The following RTBDN variants were observed in gnomAD, a reference collection of about 807,000 sequenced individuals.
The protein encoded by RTBDN is retbindin.
A neutral mutation model predicts 21.9 loss-of-function variants in RTBDN; 24 were observed. The observed-to-expected ratio is 1.10, with a 90% confidence interval of 0.79 to 1.54. The LOEUF is 1.54. Among genes scored for constraint, RTBDN ranks in the 40% most tolerant of loss-of-function variants. The pLI, the probability that RTBDN is intolerant of heterozygous loss-of-function variation, is 0.00. For missense variants in RTBDN, 325 were observed against 315.2 expected (o/e 1.03, Z -0.23); for synonymous variants, 141 against 125.9 (o/e 1.12, Z -0.80).
At chr19:12,834,815 G>A (rs759121175), upstream of RTBDN, 5 of 1,614,236 alleles carry the variant, frequency 3.1e-6, no homozygotes, top group South Asian at 5.5e-5. The surrounding 1 kb of genome is among the most constrained non-coding windows in gnomAD (Gnocchi z 4.7). Context: ...CTGTAGCCGA[G>A]AAGCGTCCTC....
At chr19:12,835,137 G>A (rs1338618522), upstream of RTBDN, 6 of 1,606,958 alleles carry the variant, frequency 3.7e-6, no homozygotes, top group Non-Finnish European at 5.1e-6. Flanking sequence ...GAGGTTGAAG[G>A]CCAAGGGGAG....
At position 12,826,784 on chromosome 19, in the gene RTBDN, G is replaced by A. The variant is rs1373397435; in HGVS notation, c.453C>T (p.Thr151=). Residue 151 remains threonine, a synonymous_variant, in exon 5 of 6, where the codon ACC becomes ACT. Coordinates refer to ENST00000674343, the MANE Select transcript of RTBDN (RefSeq NM_001270441.2). ...EKRGCEPSCL[T]YGQTFADGTD... is the part of the protein sequence containing the mutation. Reference sequence around the variant, plus strand: ...TCTGCCCCACGCTCACCTGTCCATAGGTAAGGCAGCTGGGCTCACAGCCCC... The same window carrying A: ...TCTGCCCCACGCTCACCTGTCCATAAGTAAGGCAGCTGGGCTCACAGCCCC... The A allele has an allele frequency of 1.3e-6, 2 of 1,552,050 alleles. No homozygotes were observed.
Position 12,825,829 on chromosome 19 carries a change from T to C in RTBDN, c.567A>G (p.Val189=), listed in dbSNP as rs1326186060. ...RHCFNISISA[V]PRPRPGRRGR... ...CCCGTCGTCCTGGTCTGGGACGAGG[T>C]ACCGCGGAGATGGAGATGTTGAAGC... Residue 189 remains valine (V), a synonymous_variant, in exon 6 of 6, where the codon GTA becomes GTG. Transcript: ENST00000674343. The C allele has an allele frequency of 6.8e-6, 11 of 1,613,066 alleles. No individual in the cohort carries two copies. The Admixed American group carries it at 1.8e-4, about 27-fold the overall frequency.
chr19:12,833,782 C>T (rs989905506), intron 1 of RTBDN, among the ~76,000 whole-genome samples: 7 of 146,352 alleles, frequency 4.8e-5, no homozygotes, highest in Admixed American at 1.4e-4. Context: ...CTCGGGCGCC[C>T]AGACGCAGTG....
At chr19:12,835,418 G>A (rs1467303109), upstream of RTBDN, 6 of 338,892 alleles carry the variant, frequency 1.8e-5, no homozygotes, top group Non-Finnish European at 3.3e-5. Flanking sequence ...GGTCCGCGCC[G>A]TCGGGTTTCT....
intron 4 of RTBDN, among the ~76,000 whole-genome samples, chr19:12,827,370 T>C (rs1221514686): frequency 6.7e-6 from 1 of 148,770 alleles, no homozygotes; most frequent in Non-Finnish European, 1.5e-5. Flanking sequence ...TTACCCAGGC[T>C]GGAGTGCAGT....
Position 12,825,608 on chromosome 19 carries a change from A to G in RTBDN, c.*98T>C, listed in dbSNP as rs1460803311. The G allele has an allele frequency of 1.4e-6, 2 of 1,448,532 alleles. No individual in the cohort carries two copies. Among genetic ancestry groups the G allele is most frequent in the African/African-American group, 1.5e-5 (1 of 67,170 alleles). 89.7% of individuals were successfully genotyped at this position (1,448,532 alleles called of 1,614,324 possible). On this transcript the variant is annotated 3_prime_UTR_variant, in exon 6 of 6. Coordinates refer to ENST00000674343, the MANE Select transcript of RTBDN (RefSeq NM_001270441.2). ...GAGGAGGGACAGACATCTCAAAACT[A>G]TTACAGAAGGCCGAGAGGACGAGGG...
At position 12,828,917 on chromosome 19, in the gene RTBDN, G is replaced by A. The variant is rs1969439550; in HGVS notation, c.206C>T (p.Thr69Ile). The A allele has an allele frequency of 2.5e-6, 4 of 1,614,168 alleles. No homozygotes were observed. The East Asian group carries it at 8.9e-5, about 36-fold the overall frequency. ...TTCTGGATGGTTTCCAGGGCCCGAT[G>A]TCTCTGTTGTGTCCATCTCTGAGGG... is the stretch of plus-strand genomic sequence containing the variant. ...CCPSEMDTTE[T>I]SGPGNHPERC... The change falls in exon 3 of 6, where the codon ACA becomes ATA. Residue 69 changes from threonine (T) to isoleucine (I), a missense_variant. By Grantham distance (89) the Thr-to-Ile change is moderately conservative (BLOSUM62 -1). Coordinates refer to ENST00000674343, the MANE Select transcript of RTBDN (RefSeq NM_001270441.2).
chr19:12,834,499 A>T lies in RTBDN; in HGVS notation c.-29T>A. The T allele has an allele frequency of 6.5e-7, 1 of 1,535,434 alleles. No individual in the cohort carries two copies. Among genetic ancestry groups the T allele is most frequent in the Non-Finnish European group, 8.7e-7 (1 of 1,146,552 alleles). On this transcript the variant is annotated 5_prime_UTR_variant, in exon 1 of 6. An upstream start codon of the reference 5' UTR is lost. Transcript: ENST00000674343. This position sits in a 1 kb window ranked among gnomAD's most constrained non-coding sequence, Gnocchi z 4.7. ...GCGTCCCCCACGCACCTGCCTGGCC[A>T]TCAGGATTCTTCCTACTGCCCTAAT...
chr19:12,825,775 G>A lies in RTBDN; in HGVS notation c.621C>T (p.Arg207=). ...CGTCCAGGATGGAGGTGCGAGGGCT[G>A]CGGGAACGCCGGGAGGGAGCTTCCC... ...RGREAPSRRS[R]SPRTSILDAA... The change falls in exon 6 of 6, where the codon CGC becomes CGT. Residue 207 remains arginine, a synonymous_variant. Coordinates refer to ENST00000674343, the MANE Select transcript of RTBDN (RefSeq NM_001270441.2). 1 of 1,610,470 alleles carries A rather than the reference G, an allele frequency of 6.2e-7. No homozygotes were observed. Among genetic ancestry groups the A allele is most frequent in the Non-Finnish European group, 8.5e-7 (1 of 1,178,098 alleles).
Position 12,826,670 on chromosome 19 carries a change from G to A in RTBDN, c.462+105C>T, listed in dbSNP as rs1053732031. ...GATCGCGCCACTGCACTCCAGCCTG[G>A]GTGACAAGAATGAAACTCCGTCTCA... On this transcript the variant is annotated intron_variant, in intron 5 of 5. Coordinates refer to ENST00000674343, the MANE Select transcript of RTBDN (RefSeq NM_001270441.2). 1.4e-5 allele frequency: 13 copies of A among 899,912 alleles called. No homozygotes were observed. In the Admixed American group the frequency reaches 1.6e-4, roughly 11 times the overall value. The allele number at this position is 899,912 out of a possible 1,614,324, so 55.7% of individuals were successfully genotyped here. A position where few individuals can be genotyped will look rare whatever the true frequency, so the allele number is the denominator to read the frequency against.
Position 12,830,422 on chromosome 19 carries a change from C to T in RTBDN, c.-18-425G>A, listed in dbSNP as rs1969524715. On this transcript the variant is annotated intron_variant, in intron 1 of 5. Coordinates refer to ENST00000674343, the MANE Select transcript of RTBDN (RefSeq NM_001270441.2). This position sits in a 1 kb window ranked among gnomAD's most constrained non-coding sequence, Gnocchi z 4.2. ...CTCCCTCTCTCGCTCCCTGCCGGCC[C>T]TTCTCTGGGTCACCTTCTCTCGGCC... The T allele has an allele frequency of 3.0e-6, 3 of 989,164 alleles. No homozygotes were observed. The South Asian group carries it at 1.4e-4, about 46-fold the overall frequency. The allele number at this position is 989,164 out of a possible 1,614,324, so 61.3% of individuals were successfully genotyped here.
Position 12,826,577 on chromosome 19 carries a change from C to G in RTBDN, c.462+198G>C, listed in dbSNP as rs571065701. 7.1e-6 allele frequency: 5 copies of G among 709,146 alleles called. No individual in the cohort carries two copies. The South Asian group carries it at 7.6e-5, about 11-fold the overall frequency. The allele number at this position is 709,146 out of a possible 1,614,324, so 43.9% of individuals were successfully genotyped here. A position where few individuals can be genotyped will look rare whatever the true frequency, so the allele number is the denominator to read the frequency against. On this transcript the variant is annotated intron_variant, in intron 5 of 5. Coordinates refer to ENST00000674343, the MANE Select transcript of RTBDN (RefSeq NM_001270441.2). ...GGCATGGTGGCATGCGCCTGAAATCCCAGCTATTCGGGAGGTTGCGGCAGG... is the reference window on the plus strand; with the variant it reads ...GGCATGGTGGCATGCGCCTGAAATCGCAGCTATTCGGGAGGTTGCGGCAGG...
At chr19:12,832,123 C>G (rs1002249621) in intron 1 of RTBDN, among the ~76,000 whole-genome samples, 1 of 152,040 alleles carries the variant, frequency 6.6e-6, no homozygotes, top group Non-Finnish European at 1.5e-5. Flanking sequence ...ATGTGTGGGT[C>G]TGTGTTTGTG....
rs1735457455 is a variant in RTBDN at position 12,834,199 on chromosome 19, G to A, written c.-19+290C>T. The stretch of plus-strand genomic sequence containing the variant: ...GGACCCCGCCCCTCAGGCGCCGCCC[G>A]GCGATCCAGGGAGCTGCCGGAGGGG... On this transcript the variant is annotated intron_variant, in intron 1 of 5. Transcript: ENST00000674343. The surrounding 1 kb of genome is among the most constrained non-coding windows in gnomAD (Gnocchi z 4.7). Among the ~76,000 whole-genome samples, 2 of 152,042 alleles carry A rather than the reference G, an allele frequency of 1.3e-5. No individual in the cohort carries two copies. The highest frequency in any genetic ancestry group is 1.3e-4 in the Admixed American group (2 of 15,276).
At chr19:12,826,370 C>G in intron 5 of RTBDN, 1 of 1,270,286 alleles carries the variant, frequency 7.9e-7, no homozygotes, top group South Asian at 1.3e-5. Context: ...AGTACCAATC[C>G]GGTCTCTGGG....
intron 5 of RTBDN, chr19:12,826,377 TG>T: frequency 7.9e-7 from 1 of 1,273,466 alleles, no homozygotes; most frequent in Non-Finnish European, 1.0e-6. Flanking sequence ...ATCCGGTCTC[TG>T]GGGTCTAGAC....
intron 4 of RTBDN, among the ~76,000 whole-genome samples, chr19:12,827,953 C>T (rs1192999013): frequency 6.6e-6 from 1 of 151,744 alleles, no homozygotes; most frequent in African/African-American, 2.4e-5. Context: ...TTTAGCCGGG[C>T]GTGGTGGCGG....
At chr19:12,828,403 A>AAAG (rs1969406821) in intron 4 of RTBDN, among the ~76,000 whole-genome samples, 15 of 152,256 alleles carry the variant, frequency 9.9e-5, no homozygotes, top group African/African-American at 1.9e-4. Context: ...CTCAAAAAAA[A>AAAG]AAAGAAAGAA....
Sources: gnomAD v4.1 joint callset for allele counts (sites outside exome capture counted in the v4.1 genomes callset) on GRCh38, gnomAD v4.1.1 for gene constraint, Gnocchi (gnomAD v3.1) non-coding constraint, MANE v1.5 for transcripts, NCBI Gene and HGNC (gene_info 2026-07-23, HGNC 2026-07-21) for gene names.